Variants in IL4R observed in about 807,000 individuals in gnomAD.
IL4R encodes interleukin-4 receptor subunit alpha.
IL4R carries 17 observed loss-of-function variants against 41.5 expected under a neutral mutation model. That is an observed-to-expected ratio of 0.41 (90% CI 0.28 to 0.61). IL4R has a LOEUF of 0.61. Ranked by LOEUF, IL4R falls within the 20% of genes least tolerant of loss-of-function variation. IL4R has a pLI of 0.31. For missense variants in IL4R, 974 were observed against 1,043.1 expected (o/e 0.93, Z 0.91); for synonymous variants, 402 against 422.9 (o/e 0.95, Z 0.61).
rs1256922224 is a variant in IL4R, at chr16:27,355,622, C to G, written c.671-186C>G. ...GGAGGAGCAGGGGGCAATGAGGTGGCCGGTGTGACGAGGACTCAATGTGCA... is the reference window on the plus strand; with the variant it reads ...GGAGGAGCAGGGGGCAATGAGGTGGGCGGTGTGACGAGGACTCAATGTGCA... On this transcript the variant is annotated intron_variant, in intron 7 of 10. Transcript: ENST00000395762. 3 of 541,184 alleles carry G rather than the reference C, an allele frequency of 5.5e-6. No individual in the cohort carries two copies. In the African/African-American group the frequency reaches 5.7e-5, roughly 10 times the overall value. The allele number at this position is 541,184 out of a possible 1,614,324, so 33.5% of individuals were successfully genotyped here. A position where few individuals can be genotyped will look rare whatever the true frequency, so the allele number is the denominator to read the frequency against.
At chr16:27,337,748 T>C (rs1223915817) in intron 2 of IL4R, among the ~76,000 whole-genome samples, 1 of 150,126 alleles carries the variant, frequency 6.7e-6, no homozygotes, top group Non-Finnish European at 1.5e-5. Context: ...GCCCGGCTAA[T>C]TTTTTTTTGT....
At chr16:27,326,441 A>T (rs2084956840) in intron 1 of IL4R, among the ~76,000 whole-genome samples, 1 of 152,140 alleles carries the variant, frequency 6.6e-6, no homozygotes, top group South Asian at 2.1e-4. Context: ...TTGAGGTTGC[A>T]GTGAGCTATG....
intron 6 of IL4R, among the ~76,000 whole-genome samples, chr16:27,352,133 C>T (rs1172653051): frequency 6.6e-6 from 1 of 152,174 alleles, no homozygotes; most frequent in African/African-American, 2.4e-5. Context: ...TCACCACAAC[C>T]CTGCGGGAAG....
intron 7 of IL4R, chr16:27,353,975 C>G (rs573376334): frequency 6.6e-6 from 1 of 152,198 alleles, no homozygotes; most frequent in African/African-American, 2.4e-5. Flanking sequence ...CTGTATCCAG[C>G]CAGCAGAAGA....
intron 1 of IL4R, among the ~76,000 whole-genome samples, chr16:27,321,874 T>C (rs921251717): frequency 2.0e-5 from 3 of 152,192 alleles, no homozygotes; most frequent in Admixed American, 2.0e-4. Flanking sequence ...GTTATCTTTT[T>C]ATTGTTGATT....
intron 1 of IL4R, among the ~76,000 whole-genome samples, chr16:27,315,880 G>A (rs113001936): frequency 0.012 from 1,771 of 152,292 alleles, 20 homozygotes; most frequent in Non-Finnish European, 0.015. Flanking sequence ...AAAACCTGCA[G>A]TCACTCACCC....
chr16:27,323,115 A>G (rs2084861029), intron 1 of IL4R, among the ~76,000 whole-genome samples: 1 of 152,128 alleles, frequency 6.6e-6, no homozygotes, highest in African/African-American at 2.4e-5. Flanking sequence ...TGCCTTCCAT[A>G]TGCCAGTCTG....
At chr16:27,338,772 C>T (rs1234752634) in intron 2 of IL4R, among the ~76,000 whole-genome samples, 2 of 152,076 alleles carry the variant, frequency 1.3e-5, no homozygotes, top group Non-Finnish European at 2.9e-5. Context: ...GAGGAATGGG[C>T]TCTCACCAGA....
intron 10 of IL4R, chr16:27,361,035 C>T (rs751992371): frequency 3.9e-5 from 56 of 1,426,970 alleles, no homozygotes; most frequent in Non-Finnish European, 4.9e-5. Context: ...ATGGTGATAC[C>T]CCTTGGGAGT....
chr16:27,348,029 C>G (rs1473605340), intron 6 of IL4R, among the ~76,000 whole-genome samples: 1 of 152,224 alleles, frequency 6.6e-6, no homozygotes, highest in Non-Finnish European at 1.5e-5. Flanking sequence ...AGGGCCGGCT[C>G]TGTGCATCCC....
chr16:27,318,211 CT>C lies in IL4R; in HGVS notation c.-152+4194del, dbSNP rs1236640434. On this transcript the variant is annotated intron_variant, in intron 1 of 10. Coordinates refer to ENST00000395762, the MANE Select transcript of IL4R (RefSeq NM_000418.4). ...CTGCAGAGATATTAGTGCAATTGAT[CT>C]TTGGGTGCTTTCCCGCCCTGCATGA... Among the ~76,000 whole-genome samples the C allele has an allele frequency of 2.0e-5, 3 of 152,164 alleles. No individual in the cohort carries two copies. The East Asian group carries it at 5.8e-4, about 29-fold the overall frequency.
chr16:27,364,146 C>A lies in IL4R; in HGVS notation c.*316C>A. On this transcript the variant is annotated 3_prime_UTR_variant, in exon 11 of 11. Coordinates refer to ENST00000395762, the MANE Select transcript of IL4R (RefSeq NM_000418.4). ...TTGTGAACGAGTTGTTGGCTGCTCC[C>A]TCCACAGCTTCTGCAGCAGACTGTC... is the stretch of plus-strand genomic sequence containing the variant. The A allele has an allele frequency of 3.1e-6, 1 of 320,432 alleles. No individual in the cohort carries two copies. The highest frequency in any genetic ancestry group is 5.8e-6 in the Non-Finnish European group (1 of 172,882). The allele number at this position is 320,432 out of a possible 1,614,324, so 19.8% of individuals were successfully genotyped here. A position where few individuals can be genotyped will look rare whatever the true frequency, so the allele number is the denominator to read the frequency against.
At chr16:27,361,201 C>T (rs1291771208) in intron 10 of IL4R, among the ~76,000 whole-genome samples, 2 of 151,986 alleles carry the variant, frequency 1.3e-5, no homozygotes, top group African/African-American at 4.8e-5. Context: ...TGCAGTGGTG[C>T]GATCATAGCT....
chr16:27,319,608 G>C (rs2084752485), intron 1 of IL4R, among the ~76,000 whole-genome samples: 1 of 152,190 alleles, frequency 6.6e-6, no homozygotes, highest in South Asian at 2.1e-4. Context: ...TTTACAGACA[G>C]TCCAATCATT....
chr16:27,328,835 T>C (rs1455979613), intron 1 of IL4R, among the ~76,000 whole-genome samples: 2 of 152,196 alleles, frequency 1.3e-5, no homozygotes, highest in Non-Finnish European at 2.9e-5. Context: ...GAACCATTTA[T>C]GTTCTTTGCC....
chr16:27,315,949 T>C (rs1308753551), intron 1 of IL4R, among the ~76,000 whole-genome samples: 1 of 152,150 alleles, frequency 6.6e-6, no homozygotes, highest in Non-Finnish European at 1.5e-5. Context: ...TTCCAAATGC[T>C]AGGAAGTGAC....
At chr16:27,314,711 G>C (rs1251497098) in intron 1 of IL4R, among the ~76,000 whole-genome samples, 1 of 152,176 alleles carries the variant, frequency 6.6e-6, no homozygotes, top group Non-Finnish European at 1.5e-5. Flanking sequence ...GCCAGAGCCA[G>C]CTGCTCTCCA....
intron 1 of IL4R, among the ~76,000 whole-genome samples, chr16:27,323,023 C>G (rs889985240): frequency 6.6e-6 from 1 of 152,040 alleles, no homozygotes; most frequent in African/African-American, 2.4e-5. Context: ...AAAGGTGGCC[C>G]CCATGTCTGT....
chr16:27,360,939 G>C (rs2086260293), intron 10 of IL4R, 124 bp downstream of exon 10: 1 of 1,588,526 alleles, frequency 6.3e-7, no homozygotes, highest in Admixed American at 1.7e-5. Flanking sequence ...TGTGACATTA[G>C]CCTTCAAGGG....
Sources: allele counts gnomAD v4.1 joint callset (sites outside exome capture counted in the v4.1 genomes callset), GRCh38; gene constraint gnomAD v4.1.1; transcripts MANE v1.5; gene names NCBI Gene and HGNC (gene_info 2026-07-23, HGNC 2026-07-21).